HERC3: variants seen among roughly 807,000 people sequenced by gnomAD.
HERC3 encodes the protein probable E3 ubiquitin-protein ligase HERC3.
In HERC3, 58 loss-of-function variants were observed where a neutral mutation model predicts 129.9. The ratio of observed to expected loss-of-function variants is 0.45; its 90% CI spans 0.36 to 0.56. The LOEUF (loss-of-function observed/expected upper bound fraction) is 0.56, where lower values mean the gene tolerates loss of function less well. HERC3 is among the 20% of genes least tolerant of loss of function. The pLI, the probability that HERC3 is intolerant of heterozygous loss-of-function variation, is 0.00. For synonymous variants in HERC3, 430 were observed against 451.0 expected (o/e 0.95, Z 0.59); for missense variants, 835 against 1,244.2 (o/e 0.67, Z 4.95).
chr4:88,533,356 C>A, the HERC3 span, among the ~76,000 whole-genome samples: 1 of 152,126 alleles, frequency 6.6e-6, no homozygotes, highest in African/African-American at 2.4e-5. Flanking sequence ...TTGGCAACAC[C>A]CTCACAGACA....
At chr4:88,671,929 A>G (rs923797816) in intron 16 of HERC3, among the ~76,000 whole-genome samples, 1 of 152,346 alleles carries the variant, frequency 6.6e-6, no homozygotes, top group Non-Finnish European at 1.5e-5. Flanking sequence ...TTTCAAATTT[A>G]GGAATTATTA....
At chr4:88,605,595 T>A (rs1194316465) in intron 2 of HERC3, among the ~76,000 whole-genome samples, 200 bp from the exon 3 acceptor site, 1 of 152,230 alleles carries the variant, frequency 6.6e-6, no homozygotes, top group Non-Finnish European at 1.5e-5. Flanking sequence ...ACTTCTTTTT[T>A]AAACTCTGAT....
rs191594368 is a variant in HERC3, at chr4:88,619,704, G to A, written c.226+13655G>A. On this transcript the variant is annotated intron_variant, in intron 3 of 25. Coordinates refer to ENST00000402738, the MANE Select transcript of HERC3 (RefSeq NM_014606.3). ...AGACTGGGAGAAATAACTGCCAGAC[G>A]TTGCCAGACAAAGATTTCATATTTC... Among the ~76,000 whole-genome samples, 915 of 152,266 alleles carry A rather than the reference G, an allele frequency of 6.0e-3. 3 individuals carry two copies. The highest frequency in any genetic ancestry group is 0.024 in the Middle Eastern group (7 of 294).
intron 3 of HERC3, among the ~76,000 whole-genome samples, chr4:88,636,385 C>CA (rs758074348): frequency 8.6e-5 from 13 of 151,202 alleles, no homozygotes; most frequent in East Asian, 7.7e-4. Flanking sequence ...CAACCAAGAT[C>CA]AAAAAAAAGA....
At chr4:88,604,223 T>G (rs1723362267) in intron 2 of HERC3, among the ~76,000 whole-genome samples, 2 of 152,232 alleles carry the variant, frequency 1.3e-5, no homozygotes, top group Admixed American at 1.3e-4. Context: ...CTCCCCATGT[T>G]GGTCAGGCTG....
chr4:88,573,294 C>G, the HERC3 span, among the ~76,000 whole-genome samples: 8 of 152,194 alleles, frequency 5.3e-5, no homozygotes, highest in Non-Finnish European at 1.2e-4. Flanking sequence ...GCACATGGGA[C>G]ATAAAGCTCA....
rs1310457185 is a variant in HERC3 at position 88,680,251 on chromosome 4, TCA to T, written c.2340+18_2340+19del. The T allele has an allele frequency of 6.3e-7, 1 of 1,585,816 alleles. No homozygotes were observed. The highest frequency in any genetic ancestry group is 1.2e-5 in the South Asian group (1 of 85,792). On this transcript the variant is annotated intron_variant, in intron 20 of 25. Coordinates refer to ENST00000402738, the MANE Select transcript of HERC3 (RefSeq NM_014606.3). The stretch of plus-strand genomic sequence containing the variant: ...TTTCAGACACGGTAAGTAAGTGGTG[TCA>T]CAATTAAACAGATGGATTAAATTAA...
chr4:88,570,329 G>A, the HERC3 span, among the ~76,000 whole-genome samples: 1 of 152,140 alleles, frequency 6.6e-6, no homozygotes, highest in African/African-American at 2.4e-5. Context: ...TGAGAGAAGT[G>A]TTCATGAACT....
At chr4:88,567,612 G>A in the HERC3 span, among the ~76,000 whole-genome samples, 5 of 152,002 alleles carry the variant, frequency 3.3e-5, no homozygotes, top group South Asian at 2.1e-4. Context: ...TGAATTTCTC[G>A]GCTCCAGAAT....
At chr4:88,673,468 C>G (rs541417012) in intron 16 of HERC3, among the ~76,000 whole-genome samples, 1 of 152,268 alleles carries the variant, frequency 6.6e-6, no homozygotes, top group South Asian at 2.1e-4. Flanking sequence ...TAAAAATGAG[C>G]TTAGGTCACA....
intron 23 of HERC3, among the ~76,000 whole-genome samples, chr4:88,700,630 T>C (rs1482466205): frequency 6.6e-6 from 1 of 152,140 alleles, no homozygotes; most frequent in Non-Finnish European, 1.5e-5. Flanking sequence ...TGTAGTACTG[T>C]ACTTCTTAGT....
At chr4:88,705,594 G>A (rs1055516646) in intron 25 of HERC3, among the ~76,000 whole-genome samples, 1 of 152,166 alleles carries the variant, frequency 6.6e-6, no homozygotes, top group African/African-American at 2.4e-5. Context: ...AATGACATTT[G>A]AGAAGGGTAA....
the HERC3 span, chr4:88,527,864 C>T: frequency 2.7e-5 from 8 of 301,096 alleles, no homozygotes; most frequent in Admixed American, 7.4e-5. Flanking sequence ...GAGGGCCTGA[C>T]GGACAGCATC....
intron 22 of HERC3, 80 bp from the exon 23 acceptor site, chr4:88,687,137 G>A: frequency 9.7e-7 from 1 of 1,032,778 alleles, no homozygotes; most frequent in Non-Finnish European, 1.5e-6. Context: ...TGTTCCTAAA[G>A]CCTCTCTCAG....
At chr4:88,558,089 A>AAAAAAAG in the HERC3 span, among the ~76,000 whole-genome samples, 84 of 148,344 alleles carry the variant, frequency 5.7e-4, no homozygotes, top group East Asian at 1.5e-3. Context: ...AAAAAAAAAA[A>AAAAAAAG]AAAAAAGAAA....
chr4:88,609,112 C>CAAAA (rs35489177), intron 3 of HERC3, among the ~76,000 whole-genome samples: 1 of 89,738 alleles, frequency 1.1e-5, no homozygotes, highest in African/African-American at 3.7e-5. Flanking sequence ...CATACAGATG[C>CAAAA]AAAAAAAAAA....
intron 16 of HERC3, among the ~76,000 whole-genome samples, chr4:88,675,593 A>G (rs1732075479): frequency 6.6e-6 from 1 of 151,828 alleles, no homozygotes; most frequent in Non-Finnish European, 1.5e-5. Flanking sequence ...TATCTCCTAG[A>G]TGTCCTTCAT....
chr4:88,682,071 A>T (rs541673087), intron 21 of HERC3, among the ~76,000 whole-genome samples: 1 of 152,330 alleles, frequency 6.6e-6, no homozygotes, highest in East Asian at 1.9e-4. Flanking sequence ...TGTTATATGG[A>T]TATGCCACAT....
chr4:88,651,742 G>A (rs530308408), intron 4 of HERC3, among the ~76,000 whole-genome samples: 14 of 152,170 alleles, frequency 9.2e-5, no homozygotes, highest in African/African-American at 3.1e-4. Flanking sequence ...GTGCCACAAC[G>A]CCCGGCTGAT....
Sources: allele counts gnomAD v4.1 joint callset (sites outside exome capture counted in the v4.1 genomes callset), GRCh38; gene constraint gnomAD v4.1.1; transcripts MANE v1.5; gene names NCBI Gene and HGNC (gene_info 2026-07-23, HGNC 2026-07-21).